Variants in CEP57 observed in about 807,000 individuals in gnomAD.
CEP57 encodes the protein centrosomal protein of 57 kDa.
Under a neutral mutation model 68.0 loss-of-function variants are expected in CEP57, and 40 were observed. The observed-to-expected ratio is 0.59, with a 90% CI of 0.46 to 0.77. The LOEUF is 0.77. CEP57 is among the 30% of genes least tolerant of loss of function. The pLI is 0.00. For synonymous variants in CEP57, 219 were observed against 198.7 expected (o/e 1.10, Z -0.86); for missense variants, 606 against 580.7 (o/e 1.04, Z -0.45).
intron 2 of CEP57, among the ~76,000 whole-genome samples, chr11:95,803,667 C>T (rs1861674324): frequency 6.7e-6 from 1 of 148,370 alleles, no homozygotes; most frequent in Admixed American, 6.9e-5. Context: ...ACATTAGGGA[C>T]TCAAACATGG....
At chr11:95,793,904 G>A (rs1375078090) in intron 1 of CEP57, among the ~76,000 whole-genome samples, 2 of 152,138 alleles carry the variant, frequency 1.3e-5, no homozygotes, top group African/African-American at 2.4e-5. Context: ...CTAGAGTGCA[G>A]TTCTCGAAGT....
chr11:95,813,425 T>C lies in CEP57; in HGVS notation c.383-43T>C, dbSNP rs552000648. 21 of 1,601,972 alleles carry C rather than the reference T, an allele frequency of 1.3e-5. No individual in the cohort carries two copies. The East Asian group carries it at 4.2e-4, about 32-fold the overall frequency. On this transcript the variant is annotated intron_variant, in intron 3 of 10. Coordinates refer to ENST00000325542, the MANE Select transcript of CEP57 (RefSeq NM_014679.5). ...TGTTAACAGCTTGTTAAAACTATTTTATGGGTGAGTTGATTTCTGCTTTTC... is the reference window on the plus strand; with the variant it reads ...TGTTAACAGCTTGTTAAAACTATTTCATGGGTGAGTTGATTTCTGCTTTTC...
chr11:95,793,639 G>A (rs1861206191), intron 1 of CEP57, among the ~76,000 whole-genome samples: 1 of 152,126 alleles, frequency 6.6e-6, no homozygotes. Flanking sequence ...TACCTGGCAA[G>A]GCATAATCCT....
intron 2 of CEP57, among the ~76,000 whole-genome samples, chr11:95,805,389 C>G (rs1317908679): frequency 2.0e-5 from 3 of 152,038 alleles, no homozygotes; most frequent in South Asian, 4.1e-4. Context: ...GTGTGTGTGT[C>G]TGTTTCATGT....
chr11:95,829,074 A>G, intron 9 of CEP57, 113 bp from the exon 10 acceptor site: 1 of 1,195,242 alleles, frequency 8.4e-7, no homozygotes, highest in South Asian at 1.3e-5. Flanking sequence ...GCTCTGTTCA[A>G]AAAATGGAGT....
At chr11:95,829,078 ATG>A in intron 9 of CEP57, 107 bp from the exon 10 acceptor site, 1 of 1,198,360 alleles carries the variant, frequency 8.3e-7, no homozygotes, top group South Asian at 1.3e-5. Context: ...TGTTCAAAAA[ATG>A]GAGTCATTTT....
chr11:95,825,457 A>T (rs1316209112), intron 8 of CEP57, among the ~76,000 whole-genome samples: 1 of 152,224 alleles, frequency 6.6e-6, no homozygotes, highest in Non-Finnish European at 1.5e-5. Context: ...AATTAACAGA[A>T]GATGACTGGG....
At chr11:95,814,154 G>T (rs1440221606) in intron 4 of CEP57, among the ~76,000 whole-genome samples, 2 of 152,160 alleles carry the variant, frequency 1.3e-5, no homozygotes, top group Admixed American at 1.3e-4. Context: ...CTAGGCTCAG[G>T]TGATTCTCAT....
chr11:95,795,728 T>A (rs1253147498), intron 1 of CEP57, among the ~76,000 whole-genome samples: 2 of 152,346 alleles, frequency 1.3e-5, no homozygotes, highest in East Asian at 1.9e-4. Flanking sequence ...TCTACATTTG[T>A]TGACGATCGT....
At chr11:95,828,143 A>G in intron 9 of CEP57, 116 bp downstream of exon 9, 3 of 1,222,728 alleles carry the variant, frequency 2.5e-6, no homozygotes, top group South Asian at 1.4e-5. Flanking sequence ...GTTGAGCACA[A>G]TCCTTATACC....
intron 4 of CEP57, among the ~76,000 whole-genome samples, chr11:95,814,071 C>T (rs945402807): frequency 3.7e-5 from 3 of 81,410 alleles, no homozygotes; most frequent in East Asian, 3.5e-4. Context: ...TTGATTGGAT[C>T]TCACTCTGTC....
In CEP57 at chr11:95,821,042, C is replaced by G. The variant is rs183601413; in HGVS notation, c.700-829C>G. ...AGCTCCATTATAATTTCCTGGGGAA[C>G]TCTTAAAATACTTTAAAATATGAAT... is the stretch of plus-strand genomic sequence containing the variant. On this transcript the variant is annotated intron_variant, in intron 6 of 10. Coordinates refer to ENST00000325542, the MANE Select transcript of CEP57 (RefSeq NM_014679.5). Among the ~76,000 whole-genome samples the G allele has an allele frequency of 1.1e-3, 170 of 152,268 alleles. 1 individual carries two copies. The highest frequency in any genetic ancestry group is 2.0e-3 in the Admixed American group (31 of 15,288).
chr11:95,815,509 C>CT (rs34935455), intron 4 of CEP57, among the ~76,000 whole-genome samples: 4 of 151,182 alleles, frequency 2.6e-5, no homozygotes, highest in African/African-American at 4.9e-5. Flanking sequence ...CTTATGGTAT[C>CT]TTTTTTTTTA....
chr11:95,817,798 A>G lies in CEP57; in HGVS notation c.516A>G (p.Glu172=), dbSNP rs772095352. ...TSVLEKQVSL[E]RERQHDQTHV... ...ATATTGTTTTTCAGGTTTCCCTAGA[A>G]AGAGAACGACAACATGATCAAACAC... Residue 172 remains glutamate (E), a synonymous_variant, in exon 5 of 11, where the codon GAA becomes GAG. Transcript: ENST00000325542. 6.2e-7 allele frequency: 1 copy of G among 1,612,342 alleles called. No individual in the cohort carries two copies. The highest frequency in any genetic ancestry group is 1.7e-4 in the Middle Eastern group (1 of 6,054).
chr11:95,805,453 T>C (rs1299190022), intron 2 of CEP57, among the ~76,000 whole-genome samples: 4 of 152,166 alleles, frequency 2.6e-5, no homozygotes, highest in African/African-American at 7.2e-5. Flanking sequence ...AAGAATAAGC[T>C]GACTTCGATA....
At chr11:95,807,106 G>A (rs867537117) in intron 2 of CEP57, among the ~76,000 whole-genome samples, 13 of 152,212 alleles carry the variant, frequency 8.5e-5, no homozygotes, top group Admixed American at 3.9e-4. Context: ...CCAGGCAAAC[G>A]GTCTGGAATG....
At position 95,824,062 on chromosome 11, in the gene CEP57, A is replaced by C. The variant is rs1862631023; in HGVS notation, c.885+1486A>C. Among the ~76,000 whole-genome samples, 5 of 144,916 alleles carry C rather than the reference A, an allele frequency of 3.5e-5. No homozygotes were observed. The South Asian group carries it at 1.1e-3, about 32-fold the overall frequency. ...ATTTCAAAATAAATGAATCCAGCTG[A>C]AGGCCTATTGTAAAAAAAAAAAAAA... On this transcript the variant is annotated intron_variant, in intron 8 of 10. Transcript: ENST00000325542.
chr11:95,794,542 G>A (rs1269944652), intron 1 of CEP57, among the ~76,000 whole-genome samples: 2 of 151,976 alleles, frequency 1.3e-5, no homozygotes, highest in Non-Finnish European at 2.9e-5. Flanking sequence ...TGGTGAGTAT[G>A]CACCCTGTTT....
In CEP57 at chr11:95,822,001, G is replaced by A. The variant is rs376006876; in HGVS notation, c.807+23G>A. Reference sequence around the variant, plus strand: ...AAGGTGTGAAGACAGAACCAAATCAGGCAAAATGCTGATTACTTGGTATAG... The same window carrying A: ...AAGGTGTGAAGACAGAACCAAATCAAGCAAAATGCTGATTACTTGGTATAG... On this transcript the variant is annotated intron_variant, in intron 7 of 10. Coordinates refer to ENST00000325542, the MANE Select transcript of CEP57 (RefSeq NM_014679.5). 3.6e-5 allele frequency: 55 copies of A among 1,508,726 alleles called. No individual in the cohort carries two copies. The African/African-American group carries it at 6.7e-4, about 18-fold the overall frequency. The allele number at this position is 1,508,726 out of a possible 1,614,324, so 93.5% of individuals were successfully genotyped here. A position where few individuals can be genotyped will look rare whatever the true frequency, so the allele number is the denominator to read the frequency against.
Sources: gnomAD v4.1 joint callset for allele counts (sites outside exome capture counted in the v4.1 genomes callset) on GRCh38, gnomAD v4.1.1 for gene constraint, MANE v1.5 for transcripts, NCBI Gene and HGNC (gene_info 2026-07-23, HGNC 2026-07-21) for gene names.